The following TPRG1 variants were observed in gnomAD, a reference collection of about 807,000 sequenced individuals.
TPRG1 encodes the protein tumor protein p63-regulated gene 1 protein.
A neutral mutation model predicts 29.3 loss-of-function variants in TPRG1; 29 were observed. The observed-to-expected ratio is 0.99, with a 90% confidence interval of 0.74 to 1.35. TPRG1 has a LOEUF of 1.35. Among genes scored for constraint, TPRG1 ranks in the 40% most tolerant of loss-of-function variants. TPRG1 has a pLI of 0.00. For missense variants in TPRG1, 327 were observed against 335.0 expected (o/e 0.98, Z 0.19); for synonymous variants, 130 against 116.8 (o/e 1.11, Z -0.73).
chr3:188,997,615 G>C (rs1711876813), intron 1 of TPRG1, among the ~76,000 whole-genome samples: 1 of 152,078 alleles, frequency 6.6e-6, no homozygotes, highest in Admixed American at 6.6e-5. Flanking sequence ...AGATGAGTTG[G>C]TCACCCTCGA....
intron 1 of TPRG1, among the ~76,000 whole-genome samples, chr3:189,116,522 G>A (rs1437789701): frequency 6.6e-6 from 1 of 152,148 alleles, no homozygotes; most frequent in Non-Finnish European, 1.5e-5. Context: ...ATTATTCACA[G>A]TAGCCAAAAG....
chr3:189,257,924 T>C (rs1176141793), intron 4 of TPRG1, among the ~76,000 whole-genome samples: 2 of 152,332 alleles, frequency 1.3e-5, no homozygotes, highest in East Asian at 3.9e-4. Context: ...GGTTCTTAGC[T>C]TCTTTGCATT....
chr3:189,289,982 T>C (rs1718728634), intron 4 of TPRG1, among the ~76,000 whole-genome samples: 1 of 152,226 alleles, frequency 6.6e-6, no homozygotes. Flanking sequence ...TGCTTTTATG[T>C]TAAAATCAAC....
intron 3 of TPRG1, among the ~76,000 whole-genome samples, chr3:189,216,479 T>C (rs985272196): frequency 6.6e-6 from 1 of 152,208 alleles, no homozygotes. Flanking sequence ...AAAAATGAAC[T>C]CTTAGACACC....
intron 4 of TPRG1, 124 bp from the exon 5 acceptor site, chr3:189,310,262 T>A (rs916784941): frequency 2.2e-5 from 17 of 779,908 alleles, no homozygotes; most frequent in Non-Finnish European, 3.0e-5. Flanking sequence ...TCTCACCCCC[T>A]AAAATCTTTT....
intron 4 of TPRG1, among the ~76,000 whole-genome samples, chr3:189,041,230 G>A (rs993193055): frequency 6.6e-6 from 1 of 152,142 alleles, no homozygotes; most frequent in African/African-American, 2.4e-5. Flanking sequence ...CCTAGAAAGA[G>A]GATCATTTCA....
chr3:189,291,669 G>A (rs944728352), intron 4 of TPRG1, among the ~76,000 whole-genome samples: 4 of 152,220 alleles, frequency 2.6e-5, no homozygotes, highest in Non-Finnish European at 4.4e-5. Context: ...TTCTTAATCT[G>A]AGAAGCCAAG....
At chr3:189,195,569 G>T (rs998329341) in intron 1 of TPRG1, among the ~76,000 whole-genome samples, 1 of 152,182 alleles carries the variant, frequency 6.6e-6, no homozygotes, top group Non-Finnish European at 1.5e-5. Context: ...ACAGTGTATT[G>T]CAGTAGCCGT....
chr3:189,209,254 A>G (rs189315716), intron 2 of TPRG1, among the ~76,000 whole-genome samples: 42 of 152,330 alleles, frequency 2.8e-4, no homozygotes, highest in Admixed American at 2.7e-3. Context: ...CCAGGATAAC[A>G]GTTGCCATGA....
At chr3:189,229,202 G>A (rs1738257332) in intron 3 of TPRG1, among the ~76,000 whole-genome samples, 1 of 152,032 alleles carries the variant, frequency 6.6e-6, no homozygotes, top group African/African-American at 2.4e-5. Flanking sequence ...CTTCAAATTT[G>A]AAATACAAAT....
chr3:189,148,913 A>G (rs547951483), intron 4 of TPRG1, among the ~76,000 whole-genome samples: 11 of 152,326 alleles, frequency 7.2e-5, no homozygotes, highest in Non-Finnish European at 1.3e-4. Flanking sequence ...CGTTCCTGGA[A>G]CATGCGGATG....
intron 3 of TPRG1, among the ~76,000 whole-genome samples, chr3:189,222,953 T>G (rs1343612267): frequency 1.3e-5 from 2 of 152,220 alleles, no homozygotes; most frequent in Non-Finnish European, 2.9e-5. Context: ...GGATACCAAG[T>G]CCATAGAGCC....
intron 5 of TPRG1, among the ~76,000 whole-genome samples, chr3:189,164,853 G>T (rs939339871): frequency 6.6e-6 from 1 of 152,086 alleles, no homozygotes; most frequent in African/African-American, 2.4e-5. Context: ...GTCCCCCTGG[G>T]GTCCCAAACG....
intron 5 of TPRG1, chr3:189,315,813 T>C: frequency 5.6e-6 from 1 of 178,146 alleles, no homozygotes; most frequent in Non-Finnish European, 1.2e-5. Context: ...GATTTTGCCC[T>C]ACAGATACTT....
chr3:189,264,617 G>C (rs1279752139), intron 4 of TPRG1, among the ~76,000 whole-genome samples: 5 of 151,882 alleles, frequency 3.3e-5, no homozygotes, highest in Non-Finnish European at 7.4e-5. Flanking sequence ...CTTCATTTAG[G>C]TGTGTCTGAC....
intron 4 of TPRG1, among the ~76,000 whole-genome samples, chr3:189,056,049 C>CTTCT (rs1715663632): frequency 8.7e-6 from 1 of 115,366 alleles, no homozygotes; most frequent in South Asian, 3.7e-4. Context: ...TCCTTCCTTC[C>CTTCT]TTCCTTCCTT....
intron 4 of TPRG1, among the ~76,000 whole-genome samples, chr3:189,278,913 T>G (rs932309049): frequency 6.6e-6 from 1 of 152,242 alleles, no homozygotes; most frequent in African/African-American, 2.4e-5. Context: ...CAAGTACTTA[T>G]GCTCATATTC....
intron 5 of TPRG1, among the ~76,000 whole-genome samples, chr3:189,160,173 A>T (rs1727282759): frequency 6.6e-6 from 1 of 152,100 alleles, no homozygotes; most frequent in Non-Finnish European, 1.5e-5. Context: ...ATGGGTCATG[A>T]GTTGACTCTT....
rs778603426 is a variant in TPRG1 at position 189,321,998 on chromosome 3, T to G, written c.*1178T>G. ...TCTCTTCCCGACTTAGATCTAATTTTCAACAACCCAGGAAATTATCTCATA... is the reference window on the plus strand; with the variant it reads ...TCTCTTCCCGACTTAGATCTAATTTGCAACAACCCAGGAAATTATCTCATA... On this transcript the variant is annotated 3_prime_UTR_variant, in exon 6 of 6. Transcript: ENST00000345063. The G allele has an allele frequency of 6.6e-6, 1 of 152,134 alleles. No homozygotes were observed. The highest frequency in any genetic ancestry group is 1.5e-5 in the Non-Finnish European group (1 of 68,010). 9.4% of individuals were successfully genotyped at this position (152,134 alleles called of 1,614,324 possible).
Sources: allele counts gnomAD v4.1 joint callset (sites outside exome capture counted in the v4.1 genomes callset), GRCh38; gene constraint gnomAD v4.1.1; transcripts MANE v1.5; gene names NCBI Gene and HGNC (gene_info 2026-07-23, HGNC 2026-07-21).